Variants in ACOX2 observed in about 807,000 individuals in gnomAD.
The protein encoded by ACOX2 is peroxisomal acyl-coenzyme A oxidase 2.
Under a neutral mutation model 77.5 loss-of-function variants are expected in ACOX2, and 59 were observed. The observed-to-expected ratio is 0.76, with a 90% CI of 0.62 to 0.95. The LOEUF is 0.95. Among genes scored for constraint, ACOX2 ranks in the 40% least tolerant of loss-of-function variants. ACOX2 has a pLI of 0.00. For synonymous variants in ACOX2, 317 were observed against 340.1 expected (o/e 0.93, Z 0.75); for missense variants, 837 against 880.4 (o/e 0.95, Z 0.62).
In ACOX2 at chr3:58,522,701, A is replaced by C; in HGVS notation, c.1527-100T>G. On this transcript the variant is annotated intron_variant, in intron 11 of 14. Transcript: ENST00000302819. The surrounding 1 kb of genome is among the most constrained non-coding windows in gnomAD (Gnocchi z 4.3). ...TCAGAAGTAGAAATAATGCCTGTTT[A>C]TTGACCACTTATGTGCCATAAAGCT... 2 of 1,015,546 alleles carry C rather than the reference A, an allele frequency of 2.0e-6. No homozygotes were observed. Among genetic ancestry groups the C allele is most frequent in the Non-Finnish European group, 3.1e-6 (2 of 646,404 alleles). The allele number at this position is 1,015,546 out of a possible 1,614,324, so 62.9% of individuals were successfully genotyped here.
chr3:58,536,555 C>CG (rs2063482817), intron 1 of ACOX2, among the ~76,000 whole-genome samples: 1 of 152,282 alleles, frequency 6.6e-6, no homozygotes, highest in Admixed American at 6.5e-5. Context: ...CTCTGCCCCC[C>CG]GGAGTCCTGC....
In ACOX2 at chr3:58,526,453, GC is replaced by G. The variant is rs1229593781; in HGVS notation, c.1346+12del. On this transcript the variant is annotated intron_variant, in intron 10 of 14. Coordinates refer to ENST00000302819, the MANE Select transcript of ACOX2 (RefSeq NM_003500.4). This position sits in a 1 kb window ranked among gnomAD's most constrained non-coding sequence, Gnocchi z 4.3. ...AGGGCTTGGGCAAAGGCCTGGGTCA[GC>G]CTGGACCTTACCTGGCCACCTGCAG... 1 of 1,605,984 alleles carries G rather than the reference GC, an allele frequency of 6.2e-7. No homozygotes were observed. Among genetic ancestry groups the G allele is most frequent in the Non-Finnish European group, 8.5e-7 (1 of 1,175,510 alleles).
intron 5 of ACOX2, among the ~76,000 whole-genome samples, chr3:58,532,363 CTT>C (rs951512882): frequency 2.0e-5 from 3 of 151,436 alleles, no homozygotes; most frequent in African/African-American, 7.3e-5. Flanking sequence ...CTCTCTCTCT[CTT>C]TTTTTTTCTT....
At chr3:58,511,893 A>G (rs1408081767) in intron 13 of ACOX2, among the ~76,000 whole-genome samples, 3 of 152,130 alleles carry the variant, frequency 2.0e-5, no homozygotes, top group Admixed American at 2.0e-4. Flanking sequence ...TTTTACTCCC[A>G]CCACTCCACA....
Position 58,515,577 on chromosome 3 carries a change from G to A in ACOX2, c.1850+1629C>T, listed in dbSNP as rs2063316874. 6.6e-6 allele frequency among the ~76,000 whole-genome samples: 1 copy of A among 152,156 alleles called. No homozygotes were observed. The highest frequency in any genetic ancestry group is 2.4e-5 in the African/African-American group (1 of 41,438). Reference sequence around the variant, plus strand: ...CTCCCAAAGTGCTGGGATTACAGGTGTGAGCCACTGCTCCCAGCCTCTTTT... The same window carrying A: ...CTCCCAAAGTGCTGGGATTACAGGTATGAGCCACTGCTCCCAGCCTCTTTT... On this transcript the variant is annotated intron_variant, in intron 13 of 14. Coordinates refer to ENST00000302819, the MANE Select transcript of ACOX2 (RefSeq NM_003500.4). This position sits in a 1 kb window ranked among gnomAD's most constrained non-coding sequence, Gnocchi z 4.0.
Position 58,535,260 on chromosome 3 carries a change from CAT to C in ACOX2, c.-91-65_-91-64del. 1.1e-6 allele frequency: 1 copy of C among 889,202 alleles called. No individual in the cohort carries two copies. The highest frequency in any genetic ancestry group is 1.6e-5 in the South Asian group (1 of 62,704). The allele number at this position is 889,202 out of a possible 1,614,324, so 55.1% of individuals were successfully genotyped here. On this transcript the variant is annotated intron_variant, in intron 1 of 14. Transcript: ENST00000302819. The surrounding 1 kb of genome is among the most constrained non-coding windows in gnomAD (Gnocchi z 4.8). Reference sequence around the variant, plus strand: ...CCAGGGCTGGTTGGTAGAAGAAAGACATCCCTAAGTACCTGAATGCCACTCCA... The same window carrying C: ...CCAGGGCTGGTTGGTAGAAGAAAGACCCCTAAGTACCTGAATGCCACTCCA...
Position 58,530,513 on chromosome 3 carries a change from G to C in ACOX2, c.945C>G (p.Ile315Met). 6.2e-7 allele frequency: 1 copy of C among 1,614,256 alleles called. No homozygotes were observed. Among genetic ancestry groups the C allele is most frequent in the Non-Finnish European group, 8.5e-7 (1 of 1,180,042 alleles). ...ILPILQKACV[I>M]AMRYSVIRRQ... ...GGCGGATGACCGAGTAGCGCATGGC[G>C]ATGACACAGGCCTTCTGCAGTATAG... Residue 315 changes from isoleucine to methionine, a missense_variant, in exon 8 of 15, where the codon ATC becomes ATG. Ile to Met is a conservative substitution (Grantham distance 10). Transcript: ENST00000302819.
At chr3:58,520,219 A>G (rs1028347311) in intron 12 of ACOX2, among the ~76,000 whole-genome samples, 5 of 152,208 alleles carry the variant, frequency 3.3e-5, no homozygotes, top group Admixed American at 2.0e-4. Flanking sequence ...TATTAGCTCT[A>G]TCTTGCAGAC....
At position 58,524,514 on chromosome 3, in the gene ACOX2, G is replaced by T; in HGVS notation, c.1438C>A (p.Pro480Thr). 1 of 1,614,216 alleles carries T rather than the reference G, an allele frequency of 6.2e-7. No individual in the cohort carries two copies. The highest frequency in any genetic ancestry group is 8.5e-7 in the Non-Finnish European group (1 of 1,180,040). ...TGGGCTGGACACCTGGCCAGGTCAG[G>T]TGCGGTGAGATATGCGACAGATGGA... ...LSPSVAYLTAPDLARCPAQRA... is the reference protein window; with the variant it reads ...LSPSVAYLTATDLARCPAQRA... Residue 480 changes from proline (P) to threonine (T), a missense_variant, in exon 11 of 15, where the codon CCT becomes ACT. Physicochemically the swap from Pro to Thr is conservative, Grantham distance 38 (BLOSUM62 -1). Transcript: ENST00000302819. The surrounding 1 kb of genome is among the most constrained non-coding windows in gnomAD (Gnocchi z 5.5).
Position 58,526,640 on chromosome 3 carries a change from G to A in ACOX2, c.1172C>T (p.Thr391Met), listed in dbSNP as rs201605181. The stretch of plus-strand genomic sequence containing the variant: ...TTCTGACATCATGGCCTTCATGCCC[G>A]TGCTCAGTGCGTGGAGCTGTGAGAA... ...SFLPELHALS[T>M]GMKAMMSEFC... The change falls in exon 10 of 15, where the codon ACG becomes ATG. Residue 391 changes from threonine (T) to methionine (M), a missense_variant. Thr to Met is a moderately conservative substitution (Grantham distance 81, BLOSUM62 -1). Coordinates refer to ENST00000302819, the MANE Select transcript of ACOX2 (RefSeq NM_003500.4). This position sits in a 1 kb window ranked among gnomAD's most constrained non-coding sequence, Gnocchi z 4.3. 5.6e-6 allele frequency: 9 copies of A among 1,613,898 alleles called. No individual in the cohort carries two copies. Among genetic ancestry groups the A allele is most frequent in the Admixed American group, 3.3e-5 (2 of 60,002 alleles).
chr3:58,531,912 C>T lies in ACOX2; in HGVS notation c.584-100G>A. On this transcript the variant is annotated intron_variant, in intron 5 of 14. Coordinates refer to ENST00000302819, the MANE Select transcript of ACOX2 (RefSeq NM_003500.4). This position sits in a 1 kb window ranked among gnomAD's most constrained non-coding sequence, Gnocchi z 5.8. The stretch of plus-strand genomic sequence containing the variant: ...GGGCTGGGGTTTTGGATGGGTACCT[C>T]TGGGGCCCTGAAAAGTCACTGATCA... 1 of 1,437,682 alleles carries T rather than the reference C, an allele frequency of 7.0e-7. No individual in the cohort carries two copies. The highest frequency in any genetic ancestry group is 9.1e-7 in the Non-Finnish European group (1 of 1,096,616). The allele number at this position is 1,437,682 out of a possible 1,614,324, so 89.1% of individuals were successfully genotyped here.
rs569134699 is a variant in ACOX2, at chr3:58,531,144, G to T, written c.819+107C>A. 9.8e-5 allele frequency: 92 copies of T among 934,382 alleles called. No individual in the cohort carries two copies. The highest frequency in any genetic ancestry group is 6.8e-4 in the Middle Eastern group (2 of 2,934). 57.9% of individuals were successfully genotyped at this position (934,382 alleles called of 1,614,324 possible). On this transcript the variant is annotated intron_variant, in intron 7 of 14. Transcript: ENST00000302819. This position sits in a 1 kb window ranked among gnomAD's most constrained non-coding sequence, Gnocchi z 5.8. Reference sequence around the variant, plus strand: ...ATCAGAGCCTCTCTTGGGGGAGGAGGTTATGTGGCCCAAACTAAGCTCTAT... The same window carrying T: ...ATCAGAGCCTCTCTTGGGGGAGGAGTTTATGTGGCCCAAACTAAGCTCTAT...
Position 58,531,938 on chromosome 3 carries a change from AAG to A in ACOX2, c.584-128_584-127del, listed in dbSNP as rs927275165. Reference sequence around the variant, plus strand: ...TGGGGCCCTGAAAAGTCACTGATCAAAGAGAGAGGGGATTGCCCCCAAAGAAC... The same window carrying A: ...TGGGGCCCTGAAAAGTCACTGATCAAAGAGAGGGGATTGCCCCCAAAGAAC... On this transcript the variant is annotated intron_variant, in intron 5 of 14. Coordinates refer to ENST00000302819, the MANE Select transcript of ACOX2 (RefSeq NM_003500.4). The surrounding 1 kb of genome is among the most constrained non-coding windows in gnomAD (Gnocchi z 5.8). 5 of 1,357,044 alleles carry A rather than the reference AAG, an allele frequency of 3.7e-6. No individual in the cohort carries two copies. Among genetic ancestry groups the A allele is most frequent in the Admixed American group, 3.1e-5 (1 of 32,236 alleles). 84.1% of individuals were successfully genotyped at this position (1,357,044 alleles called of 1,614,324 possible).
intron 1 of ACOX2, among the ~76,000 whole-genome samples, chr3:58,536,380 G>A (rs934147007): frequency 3.3e-5 from 5 of 152,178 alleles, no homozygotes; most frequent in Non-Finnish European, 7.3e-5. Context: ...ACCTCAACCT[G>A]ACAGATGCAC....
chr3:58,518,390 C>G (rs1056334013), intron 12 of ACOX2, among the ~76,000 whole-genome samples: 1 of 152,188 alleles, frequency 6.6e-6, no homozygotes, highest in African/African-American at 2.4e-5. Context: ...CCGAAGACCC[C>G]CTCCTTCTCT....
intron 14 of ACOX2, 59 bp downstream of exon 14, chr3:58,508,834 G>C: frequency 5.0e-6 from 8 of 1,592,912 alleles, no homozygotes; most frequent in Non-Finnish European, 5.2e-6. Context: ...ACATGAAGGT[G>C]TATTCACTGC....
chr3:58,529,192 G>A, intron 8 of ACOX2: 1 of 372,548 alleles, frequency 2.7e-6, no homozygotes, highest in Non-Finnish European at 4.7e-6. Context: ...GTTAAGGGAG[G>A]CTTATAGAAT....
chr3:58,533,316 G>T lies in ACOX2; in HGVS notation c.583+129C>A, dbSNP rs966950338. The T allele has an allele frequency of 1.5e-5, 12 of 815,580 alleles. No individual in the cohort carries two copies. The African/African-American group carries it at 1.7e-4, about 12-fold the overall frequency. 50.5% of individuals were successfully genotyped at this position (815,580 alleles called of 1,614,324 possible). A position where few individuals can be genotyped will look rare whatever the true frequency, so the allele number is the denominator to read the frequency against. On this transcript the variant is annotated intron_variant, in intron 5 of 14. Transcript: ENST00000302819. This position sits in a 1 kb window ranked among gnomAD's most constrained non-coding sequence, Gnocchi z 5.6. The stretch of plus-strand genomic sequence containing the variant: ...GAGGCTCAGGTTGGTGAACTGACTT[G>T]CCCAAGGTCAGCAGCCTAGAACAGA...
intron 8 of ACOX2, among the ~76,000 whole-genome samples, chr3:58,529,368 A>G (rs1022740449): frequency 1.3e-5 from 2 of 152,206 alleles, no homozygotes; most frequent in Non-Finnish European, 1.5e-5. Context: ...GAATATGTCA[A>G]GCCTAAACAA....
Sources: gnomAD v4.1 joint callset for allele counts (sites outside exome capture counted in the v4.1 genomes callset) on GRCh38, gnomAD v4.1.1 for gene constraint, Gnocchi (gnomAD v3.1) non-coding constraint, MANE v1.5 for transcripts, NCBI Gene and HGNC (gene_info 2026-07-23, HGNC 2026-07-21) for gene names.